Variants in CHODL observed in about 807,000 individuals in gnomAD.
The protein encoded by CHODL is chondrolectin.
A neutral mutation model predicts 34.5 loss-of-function variants in CHODL; 29 were observed. The observed-to-expected ratio is 0.84, with a 90% CI of 0.63 to 1.15. The LOEUF (loss-of-function observed/expected upper bound fraction) is 1.15, where lower values mean the gene tolerates loss of function less well. Ranked by LOEUF, CHODL falls within the 50% of genes most tolerant of loss-of-function variation. The pLI is 0.00. For synonymous variants in CHODL, 125 were observed against 116.1 expected, an observed-to-expected ratio of 1.08 and a Z score of -0.49; for missense variants, 332 against 332.5, an observed-to-expected ratio of 1.00 and a Z score of 0.01.
At chr21:18,104,728 A>G (rs537782056) in intron 2 of CHODL, among the ~76,000 whole-genome samples, 16 of 152,262 alleles carry the variant, frequency 1.1e-4, no homozygotes, top group South Asian at 4.2e-4. Flanking sequence ...CTCAGCAACT[A>G]TTGTTTTACA....
intron 1 of CHODL, among the ~76,000 whole-genome samples, chr21:18,001,523 A>G (rs761545749): frequency 7.2e-5 from 11 of 152,202 alleles, no homozygotes; most frequent in Non-Finnish European, 1.6e-4. Flanking sequence ...ATTCAGATCC[A>G]TCATGCTAAG....
chr21:17,934,589 T>C (rs1253041690), intron 1 of CHODL, among the ~76,000 whole-genome samples: 1 of 152,190 alleles, frequency 6.6e-6, no homozygotes, highest in African/African-American at 2.4e-5. Flanking sequence ...TTAAAGTGTA[T>C]TATTTTTGCT....
chr21:18,232,969 A>ATATATATATATATATATG (rs1568947327), intron 2 of CHODL, among the ~76,000 whole-genome samples: 1 of 138,958 alleles, frequency 7.2e-6, no homozygotes, highest in South Asian at 2.1e-4. Context: ...ATATATATAT[A>ATATATATATATATATATG]TATGTATATA....
At chr21:18,073,996 CT>C (rs1271814547) in intron 2 of CHODL, among the ~76,000 whole-genome samples, 2 of 151,900 alleles carry the variant, frequency 1.3e-5, no homozygotes, top group African/African-American at 4.8e-5. Context: ...TTTTGCATCA[CT>C]TAGACATGGA....
intron 1 of CHODL, among the ~76,000 whole-genome samples, chr21:18,008,306 CTTTG>C (rs956190944): frequency 4.9e-4 from 45 of 91,628 alleles, no homozygotes; most frequent in African/African-American, 1.4e-3. Flanking sequence ...CCAAAAATTT[CTTTG>C]TTTGTGTGTG....
Position 18,267,001 on chromosome 21 carries a change from G to C in CHODL, c.*963G>C, listed in dbSNP as rs928463887. The C allele has an allele frequency of 1.3e-5, 2 of 152,118 alleles. No homozygotes were observed. The highest frequency in any genetic ancestry group is 2.9e-5 in the Non-Finnish European group (2 of 68,072). 9.4% of individuals were successfully genotyped at this position (152,118 alleles called of 1,614,324 possible). A position where few individuals can be genotyped will look rare whatever the true frequency, so the allele number is the denominator to read the frequency against. Reference sequence around the variant, plus strand: ...GGGTTTGGGATTGACACTGGAGGCAGATAGTTGCAAAGTTAGTCTAAGGTT... The same window carrying C: ...GGGTTTGGGATTGACACTGGAGGCACATAGTTGCAAAGTTAGTCTAAGGTT... On this transcript the variant is annotated 3_prime_UTR_variant, in exon 6 of 6. Coordinates refer to ENST00000299295, the MANE Select transcript of CHODL (RefSeq NM_024944.3).
intron 1 of CHODL, among the ~76,000 whole-genome samples, chr21:18,012,008 A>C (rs574513371): frequency 6.6e-6 from 1 of 152,324 alleles, no homozygotes; most frequent in African/African-American, 2.4e-5. Context: ...CATCTTTAAT[A>C]TTCTGTTTTT....
At chr21:18,184,550 CA>C (rs1156716252) in intron 2 of CHODL, among the ~76,000 whole-genome samples, 1 of 152,044 alleles carries the variant, frequency 6.6e-6, no homozygotes, top group African/African-American at 2.4e-5. Flanking sequence ...ACATAATCCC[CA>C]AGTATATAAA....
rs150181430 is a variant in CHODL, at chr21:18,262,642, A to G, written c.635-149A>G. ...GTGGTGCATGACTGTATATTATTTC[A>G]TTAGATTTTTCAATATTTTGAGAAG... is the stretch of plus-strand genomic sequence containing the variant. On this transcript the variant is annotated intron_variant, in intron 4 of 5. Coordinates refer to ENST00000299295, the MANE Select transcript of CHODL (RefSeq NM_024944.3). The G allele has an allele frequency of 1.1e-4, 64 of 591,154 alleles. 1 individual carries two copies. The East Asian group carries it at 1.1e-3, about 10-fold the overall frequency. The allele number at this position is 591,154 out of a possible 1,614,324, so 36.6% of individuals were successfully genotyped here.
At chr21:18,082,563 C>A (rs1484569394) in intron 2 of CHODL, among the ~76,000 whole-genome samples, 4 of 151,992 alleles carry the variant, frequency 2.6e-5, no homozygotes, top group Non-Finnish European at 5.9e-5. Flanking sequence ...TGGTTATGAC[C>A]AAAATGCTGA....
Position 18,256,792 on chromosome 21 carries a change from G to A in CHODL, c.363G>A (p.Trp121Ter), listed in dbSNP as rs1301203510. The change falls in exon 2 of 6, where the codon TGG becomes TGA. Residue 121 changes from tryptophan to a stop codon, truncating the protein, a stop_gained. Coordinates refer to ENST00000299295, the MANE Select transcript of CHODL (RefSeq NM_024944.3). LOFTEE classifies it high-confidence loss of function. The stretch of plus-strand genomic sequence containing the variant: ...GTGCCTGCCCAGATCTCTACCAGTG[G>A]TCTGATGGAAGCAATTCCCAGTACC... ...TSGACPDLYQ[W>*]SDGSNSQYRN... 1.2e-6 allele frequency: 2 copies of A among 1,613,952 alleles called. No individual in the cohort carries two copies. Among genetic ancestry groups the A allele is most frequent in the South Asian group, 1.1e-5 (1 of 91,060 alleles).
chr21:17,949,029 C>G (rs951438093), intron 1 of CHODL, among the ~76,000 whole-genome samples: 3 of 152,136 alleles, frequency 2.0e-5, no homozygotes, highest in African/African-American at 7.2e-5. Context: ...GAATACCTAA[C>G]TATGCAACAC....
At chr21:18,178,897 T>C (rs2073348045) in intron 2 of CHODL, among the ~76,000 whole-genome samples, 1 of 152,220 alleles carries the variant, frequency 6.6e-6, no homozygotes. Context: ...TTTGTTACTG[T>C]TGAGTTTCAG....
chr21:18,193,747 A>AT (rs1555881306), intron 2 of CHODL, among the ~76,000 whole-genome samples: 11 of 150,766 alleles, frequency 7.3e-5, no homozygotes, highest in East Asian at 3.9e-4. Context: ...AAATAAATAA[A>AT]AAATAAACTT....
chr21:17,986,355 C>T (rs2063753577), intron 1 of CHODL, among the ~76,000 whole-genome samples: 1 of 151,976 alleles, frequency 6.6e-6, no homozygotes, highest in South Asian at 2.1e-4. Context: ...TGATGTTCCC[C>T]TCCCTGTGTC....
chr21:18,004,816 A>G (rs1472763615), intron 1 of CHODL, among the ~76,000 whole-genome samples: 1 of 149,440 alleles, frequency 6.7e-6, no homozygotes, highest in Non-Finnish European at 1.5e-5. Context: ...CAAAGATTAA[A>G]TGAGGTAAAA....
rs59630058 is a variant in CHODL at position 17,980,091 on chromosome 21, C to CTT, written c.-144-47766_-144-47765dup. Among the ~76,000 whole-genome samples the CTT allele has an allele frequency of 5.8e-3, 783 of 134,962 alleles. 4 individuals carry two copies. Among genetic ancestry groups the CTT allele is most frequent in the African/African-American group, 0.014 (521 of 36,880 alleles). 88.5% of individuals were successfully genotyped at this position (134,962 alleles called of 152,430 possible). A position where few individuals can be genotyped will look rare whatever the true frequency, so the allele number is the denominator to read the frequency against. On this transcript the variant is annotated intron_variant, in intron 1 of 6. Transcript: ENST00000400127. The stretch of plus-strand genomic sequence containing the variant: ...TTCCTGTATTGACATTAAATTCATC[C>CTT]TTTTTTTTTTTTTTTTGGTCTGGAG...
chr21:18,013,524 C>A (rs1315524768), intron 1 of CHODL, among the ~76,000 whole-genome samples: 1 of 151,214 alleles, frequency 6.6e-6, no homozygotes, highest in African/African-American at 2.4e-5. Context: ...ATTTTTAAGA[C>A]AATAAGTTTT....
chr21:18,101,456 TCTATTTTCTTATTC>T (rs2065212241), intron 2 of CHODL, among the ~76,000 whole-genome samples: 1 of 152,192 alleles, frequency 6.6e-6, no homozygotes, highest in South Asian at 2.1e-4. Flanking sequence ...CTACCTTGTT[TCTATTTTCTTATTC>T]CTATCCTTAA....
Sources: gnomAD v4.1 joint callset for allele counts (sites outside exome capture counted in the v4.1 genomes callset) on GRCh38, gnomAD v4.1.1 for gene constraint, MANE v1.5 for transcripts, NCBI Gene and HGNC (gene_info 2026-07-23, HGNC 2026-07-21) for gene names.